The following TATDN3 variants were observed in gnomAD, a reference collection of about 807,000 sequenced individuals.
The protein encoded by TATDN3 is deoxyribonuclease TATDN3.
TATDN3 carries 29 observed loss-of-function variants against 40.1 expected under a neutral mutation model. The ratio of observed to expected loss-of-function variants is 0.72; its 90% confidence interval spans 0.54 to 0.99. TATDN3 has a LOEUF of 0.99. TATDN3 is among the 50% of genes least tolerant of loss of function. The pLI is 0.00. For synonymous variants in TATDN3, 105 were observed against 117.0 expected, an observed-to-expected ratio of 0.90 and a Z score of 0.66; for missense variants, 309 against 321.9, an observed-to-expected ratio of 0.96 and a Z score of 0.31.
At chr1:212,796,901 A>G in intron 3 of TATDN3, 1 of 505,420 alleles carries the variant, frequency 2.0e-6, no homozygotes, top group South Asian at 3.2e-5. Context: ...AGGCCTGGCT[A>G]ATTTTTATAT....
At chr1:212,810,645 C>A (rs1662821680) in intron 8 of TATDN3, among the ~76,000 whole-genome samples, 1 of 151,834 alleles carries the variant, frequency 6.6e-6, no homozygotes, top group Admixed American at 6.6e-5. Flanking sequence ...CGAGTACGTG[C>A]CACTCCACTC....
At chr1:212,797,238 C>A in intron 4 of TATDN3, 42 bp downstream of exon 4, 1 of 1,458,622 alleles carries the variant, frequency 6.9e-7, no homozygotes, top group Non-Finnish European at 9.6e-7. Flanking sequence ...AACAAACAAA[C>A]GAAAGAATTA....
At chr1:212,800,085 A>G (rs1662077556) in intron 4 of TATDN3, among the ~76,000 whole-genome samples, 1 of 152,216 alleles carries the variant, frequency 6.6e-6, no homozygotes, top group Non-Finnish European at 1.5e-5. Flanking sequence ...GTAAGTATTC[A>G]TCAAATTAAC....
intron 8 of TATDN3, among the ~76,000 whole-genome samples, chr1:212,811,779 T>C (rs887943956): frequency 2.6e-5 from 4 of 151,980 alleles, no homozygotes; most frequent in African/African-American, 9.7e-5. Context: ...CTCGGCTCAC[T>C]GCAACCTCCA....
At chr1:212,806,843 T>TATACATATATAC (rs1662551390) in intron 7 of TATDN3, among the ~76,000 whole-genome samples, 2 of 96,074 alleles carry the variant, frequency 2.1e-5, no homozygotes, top group Non-Finnish European at 4.1e-5. Context: ...TATACATATA[T>TATACATATATAC]ACACATATAT....
chr1:212,812,567 AG>A (rs1449254923), intron 9 of TATDN3, among the ~76,000 whole-genome samples: 1 of 152,254 alleles, frequency 6.6e-6, no homozygotes, highest in African/African-American at 2.4e-5. Context: ...AGACCAGTGT[AG>A]TAAAAAGCAC....
intron 7 of TATDN3, among the ~76,000 whole-genome samples, chr1:212,806,037 T>C (rs976663976): frequency 2.6e-5 from 4 of 152,206 alleles, no homozygotes; most frequent in Middle Eastern, 3.2e-3. Context: ...TCATACCATT[T>C]GAAAAAACTC....
intron 7 of TATDN3, among the ~76,000 whole-genome samples, chr1:212,806,564 A>G (rs1039026078): frequency 6.7e-6 from 1 of 149,730 alleles, no homozygotes; most frequent in African/African-American, 2.4e-5. Flanking sequence ...TTTCGTAGAA[A>G]CTGGGTTTCA....
intron 3 of TATDN3, 55 bp downstream of exon 3, chr1:212,796,645 A>T (rs913026205): frequency 9.6e-5 from 120 of 1,250,740 alleles, no homozygotes; most frequent in Non-Finnish European, 1.2e-4. Flanking sequence ...CAGTTATGAC[A>T]TCCAGTTTAT....
chr1:212,810,380 TG>T (rs1662795758), intron 8 of TATDN3, among the ~76,000 whole-genome samples: 1 of 151,428 alleles, frequency 6.6e-6, no homozygotes, highest in Admixed American at 6.6e-5. Flanking sequence ...GGCATGGTGG[TG>T]GGCGCCTGTA....
intron 8 of TATDN3, among the ~76,000 whole-genome samples, chr1:212,809,557 G>GC (rs1662734534): frequency 6.6e-6 from 1 of 151,980 alleles, no homozygotes; most frequent in East Asian, 1.9e-4. Context: ...GGTGGTGGGC[G>GC]CCTGTAGTCC....
chr1:212,804,292 T>C (rs1233160555), intron 5 of TATDN3, 28 bp from the exon 6 acceptor site: 2 of 1,546,322 alleles, frequency 1.3e-6, no homozygotes, highest in South Asian at 1.1e-5. Flanking sequence ...AACCTAAATA[T>C]GTAATATCTT....
At chr1:212,805,730 A>G (rs1280845390) in intron 7 of TATDN3, among the ~76,000 whole-genome samples, 1 of 152,196 alleles carries the variant, frequency 6.6e-6, no homozygotes, top group Non-Finnish European at 1.5e-5. Flanking sequence ...GCCATCATAC[A>G]TACACACTCT....
At chr1:212,807,593 A>G (rs1662618115) in intron 7 of TATDN3, 143 bp from the exon 8 acceptor site, 3 of 558,736 alleles carry the variant, frequency 5.4e-6, no homozygotes, top group African/African-American at 3.9e-5. Context: ...TGAACACCGT[A>G]CATTTATCCG....
Position 212,796,511 on chromosome 1 carries a change from T to G in TATDN3, c.100-6T>G. 6.5e-7 allele frequency: 1 copy of G among 1,527,336 alleles called. No homozygotes were observed. The highest frequency in any genetic ancestry group is 2.4e-5 in the East Asian group (1 of 42,472). The allele number at this position is 1,527,336 out of a possible 1,614,324, so 94.6% of individuals were successfully genotyped here. On this transcript the variant is annotated splice_polypyrimidine_tract_variant and splice_region_variant and intron_variant, in intron 2 of 9. Coordinates refer to ENST00000366974, the MANE Select transcript of TATDN3 (RefSeq NM_001042552.3). The stretch of plus-strand genomic sequence containing the variant: ...TTTGTAACTTTATTCTTTTTTTTTT[T>G]TTCAGGCCAATGTTGTGGCCCTTGT...
intron 4 of TATDN3, among the ~76,000 whole-genome samples, chr1:212,800,730 A>G (rs1416738772): frequency 6.6e-6 from 1 of 151,892 alleles, no homozygotes; most frequent in African/African-American, 2.4e-5. Context: ...CATGGTGGAA[A>G]CAGCATGCAT....
At position 212,797,168 on chromosome 1, in the gene TATDN3, C is replaced by CTTGAAGTCCAA; in HGVS notation, c.230_231insTTGAAGTCCAA (p.Glu78Ter). The CTTGAAGTCCAA allele has an allele frequency of 1.9e-6, 3 of 1,613,980 alleles. No homozygotes were observed. The South Asian group carries it at 3.3e-5, about 18-fold the overall frequency. ...GTTCATCCAGTTCAAGGACTTCCAC[C>CTTGAAGTCCAA]AGAAGACCAAAGAAGTGTCACACTA... On this transcript the variant is annotated stop_gained and frameshift_variant, in exon 4 of 10. Transcript: ENST00000366974. LOFTEE classifies it high-confidence loss of function.
intron 1 of TATDN3, chr1:212,794,582 C>T: frequency 2.9e-6 from 1 of 339,532 alleles, no homozygotes; most frequent in South Asian, 2.3e-5. Context: ...AAGAGTGAAA[C>T]TTCATCTCAA....
chr1:212,816,153 G>T lies in TATDN3; in HGVS notation c.*997G>T, dbSNP rs1417315980. The T allele has an allele frequency of 6.6e-6, 1 of 152,110 alleles. No homozygotes were observed. The highest frequency in any genetic ancestry group is 2.4e-5 in the African/African-American group (1 of 41,406). 9.4% of individuals were successfully genotyped at this position (152,110 alleles called of 1,614,324 possible). ...TTAAAAATGTATCTGATTTCTCTGT[G>T]AACAGTAATATTTCATATTTTTAAG... is the stretch of plus-strand genomic sequence containing the variant. On this transcript the variant is annotated 3_prime_UTR_variant, in exon 10 of 10. Coordinates refer to ENST00000366974, the MANE Select transcript of TATDN3 (RefSeq NM_001042552.3).
Sources: gnomAD v4.1 joint callset for allele counts (sites outside exome capture counted in the v4.1 genomes callset) on GRCh38, gnomAD v4.1.1 for gene constraint, MANE v1.5 for transcripts, NCBI Gene and HGNC (gene_info 2026-07-23, HGNC 2026-07-21) for gene names.